The following ZMYM4 variants were observed in gnomAD, a reference collection of about 807,000 sequenced individuals.
ZMYM4 encodes the protein zinc finger MYM-type protein 4.
ZMYM4 carries 31 observed loss-of-function variants against 183.2 expected under a neutral mutation model. That is an observed-to-expected ratio of 0.17 (90% CI 0.13 to 0.23). ZMYM4 has a LOEUF of 0.23. Among genes scored for constraint, ZMYM4 ranks in the 10% least tolerant of loss-of-function variants. The probability of loss-of-function intolerance (pLI) is 1.00; values close to 1 mark genes in which losing one functional copy is unlikely to be tolerated. For missense variants in ZMYM4, 1,273 were observed against 1,840.3 expected, an observed-to-expected ratio of 0.69 and a Z score of 5.64; for synonymous variants, 592 against 631.2, an observed-to-expected ratio of 0.94 and a Z score of 0.93.
intron 4 of ZMYM4, 120 bp from the exon 5 acceptor site, chr1:35,361,498 CA>C: frequency 1.7e-6 from 2 of 1,198,990 alleles, no homozygotes; most frequent in Non-Finnish European, 2.3e-6. Flanking sequence ...GCATAAGATC[CA>C]AAAGCTAATG....
intron 25 of ZMYM4, among the ~76,000 whole-genome samples, chr1:35,406,701 G>A (rs554744931): frequency 6.6e-6 from 1 of 152,228 alleles, no homozygotes; most frequent in East Asian, 1.9e-4. Context: ...ATGAAGCTAG[G>A]TACTAGGGTG....
intron 3 of ZMYM4, 28 bp from the exon 4 acceptor site, chr1:35,361,166 T>G (rs370123495): frequency 5.6e-5 from 88 of 1,558,618 alleles, no homozygotes; most frequent in African/African-American, 1.2e-4. Context: ...ATACATGTGT[T>G]TGTTTGTTTT....
intron 1 of ZMYM4, among the ~76,000 whole-genome samples, chr1:35,319,555 T>C (rs1012689378): frequency 6.6e-6 from 1 of 152,078 alleles, no homozygotes; most frequent in African/African-American, 2.4e-5. Context: ...CTCAGGAGTT[T>C]GAGGCTGCAG....
rs762390185 is a variant in ZMYM4 at position 35,359,409 on chromosome 1, G to A, written c.570G>A (p.Leu190=). 1 of 1,574,128 alleles carries A rather than the reference G, an allele frequency of 6.4e-7. No homozygotes were observed. Among genetic ancestry groups the A allele is most frequent in the South Asian group, 1.2e-5 (1 of 83,680 alleles). Reference sequence around the variant, plus strand: ...GGTTGGATAAACCCCATAAAGATTTGGATTCAAGGTTGAAAAGCAGTTTTT... The same window carrying A: ...GGTTGGATAAACCCCATAAAGATTTAGATTCAAGGTTGAAAAGCAGTTTTT... ...EKRLDKPHKD[L]DSRLKSSFFD... is the part of the protein sequence containing the mutation. Residue 190 remains leucine, a synonymous_variant, in exon 3 of 30, where the codon TTG becomes TTA. Transcript: ENST00000314607.
intron 1 of ZMYM4, among the ~76,000 whole-genome samples, chr1:35,310,029 A>G (rs907220649): frequency 6.6e-6 from 1 of 150,768 alleles, no homozygotes; most frequent in East Asian, 2.0e-4. Flanking sequence ...TCCCAGGTTC[A>G]AGCGATTCTC....
chr1:35,347,328 A>G (rs1643434524), intron 2 of ZMYM4, among the ~76,000 whole-genome samples: 1 of 152,222 alleles, frequency 6.6e-6, no homozygotes, highest in Non-Finnish European at 1.5e-5. Context: ...TTTTCAAAAA[A>G]ATCTCCATTG....
At chr1:35,351,112 T>G (rs562586214) in intron 2 of ZMYM4, 216 of 909,898 alleles carry the variant, frequency 2.4e-4, no homozygotes, top group Admixed American at 3.7e-4. Flanking sequence ...AAATACAATG[T>G]GGAAGGCAAT....
intron 1 of ZMYM4, among the ~76,000 whole-genome samples, chr1:35,288,924 T>A (rs12059022): frequency 0.034 from 5,157 of 152,294 alleles, 263 homozygotes; most frequent in East Asian, 0.24. Context: ...TTACTCTGTC[T>A]CCAGTAGAAC....
chr1:35,367,848 C>T (rs7513660), intron 5 of ZMYM4, among the ~76,000 whole-genome samples: 5,678 of 151,990 alleles, frequency 0.037, 168 homozygotes, highest in Non-Finnish European at 0.057. Flanking sequence ...TGGTGGCAGG[C>T]ACCTGTAATC....
At chr1:35,333,630 C>G (rs1055105142) in intron 2 of ZMYM4, among the ~76,000 whole-genome samples, 3 of 152,220 alleles carry the variant, frequency 2.0e-5, no homozygotes, top group South Asian at 4.1e-4. Context: ...ATCATTGTTC[C>G]TATCCCCTCT....
chr1:35,276,847 TC>T (rs2148673923), intron 1 of ZMYM4, among the ~76,000 whole-genome samples: 1 of 152,294 alleles, frequency 6.6e-6, no homozygotes, highest in South Asian at 2.1e-4. Context: ...TTTCAAGTGA[TC>T]CACCCGCCTC....
chr1:35,393,507 T>C, intron 17 of ZMYM4, 88 bp from the exon 18 acceptor site: 1 of 1,238,968 alleles, frequency 8.1e-7, no homozygotes, highest in Non-Finnish European at 1.1e-6. Flanking sequence ...AATTCCAATA[T>C]GACATTTCCT....
chr1:35,353,971 T>G (rs1284282824), intron 2 of ZMYM4, among the ~76,000 whole-genome samples: 2 of 151,340 alleles, frequency 1.3e-5, no homozygotes, highest in Non-Finnish European at 2.9e-5. Flanking sequence ...GTGGTGAAAC[T>G]CCCATCTCCA....
intron 2 of ZMYM4, among the ~76,000 whole-genome samples, chr1:35,345,155 T>C (rs927632945): frequency 2.6e-5 from 4 of 152,250 alleles, no homozygotes; most frequent in Non-Finnish European, 5.9e-5. Context: ...TTAGTTTGAC[T>C]AAATTTATTG....
rs1644846775 is a variant in ZMYM4, at chr1:35,398,423, T to G, written c.3210T>G (p.Thr1070=). The part of the protein sequence containing the change: ...KKTLSQGESQ[T]SEHELFLDTK... ...TTTCTTTTTCTTTAGAGTCCCAAAC[T>G]TCTGAACACGAACTCTTTCTAGACA... The change falls in exon 21 of 30, where the codon ACT becomes ACG. Residue 1070 remains threonine, a synonymous_variant. Transcript: ENST00000314607. 2.5e-6 allele frequency: 4 copies of G among 1,610,530 alleles called. No individual in the cohort carries two copies. Among genetic ancestry groups the G allele is most frequent in the Non-Finnish European group, 3.4e-6 (4 of 1,178,874 alleles).
intron 11 of ZMYM4, among the ~76,000 whole-genome samples, chr1:35,386,397 C>T (rs1420371554): frequency 2.6e-5 from 4 of 152,082 alleles, no homozygotes; most frequent in African/African-American, 4.8e-5. Flanking sequence ...AAGGGGAAGC[C>T]GGCACGTCTT....
chr1:35,375,254 ACTCTTTAATCT>A (rs1644310420), intron 7 of ZMYM4, among the ~76,000 whole-genome samples: 1 of 151,608 alleles, frequency 6.6e-6, no homozygotes, highest in South Asian at 2.1e-4. Flanking sequence ...TTTCTGAACT[ACTCTTTAATCT>A]CCTGTTCAAC....
intron 15 of ZMYM4, 111 bp from the exon 16 acceptor site, chr1:35,392,101 C>T (rs1270067294): frequency 2.1e-6 from 3 of 1,418,924 alleles, no homozygotes; most frequent in African/African-American, 1.4e-5. Context: ...ACTTTTTGCT[C>T]CAACAGAAAT....
intron 1 of ZMYM4, among the ~76,000 whole-genome samples, chr1:35,295,380 A>G (rs1640955524): frequency 6.6e-6 from 1 of 152,212 alleles, no homozygotes; most frequent in Non-Finnish European, 1.5e-5. Flanking sequence ...TGAACATCAA[A>G]GAGGCAGCAT....
Sources: allele counts gnomAD v4.1 joint callset (sites outside exome capture counted in the v4.1 genomes callset), GRCh38; gene constraint gnomAD v4.1.1; transcripts MANE v1.5; gene names NCBI Gene and HGNC (gene_info 2026-07-23, HGNC 2026-07-21).